Variants in RAPGEF5 observed in about 807,000 individuals in gnomAD.
RAPGEF5 encodes the protein M-Ras-regulated GEF.
Under a neutral mutation model 125.2 loss-of-function variants are expected in RAPGEF5, and 65 were observed. The ratio of observed to expected loss-of-function variants is 0.52; its 90% CI spans 0.43 to 0.64. The LOEUF is 0.64. RAPGEF5 is among the 30% of genes least tolerant of loss of function. The pLI is 0.00. For synonymous variants in RAPGEF5, 391 were observed against 385.9 expected (o/e 1.01, Z -0.16); for missense variants, 958 against 1,048.1 (o/e 0.91, Z 1.19).
chr7:22,140,642 T>G (rs886802866), intron 20 of RAPGEF5, among the ~76,000 whole-genome samples: 19 of 152,340 alleles, frequency 1.2e-4, no homozygotes, highest in African/African-American at 4.6e-4. Flanking sequence ...GGGAATACTC[T>G]TCCACATTTC....
chr7:22,328,509 G>A (rs61093097), intron 1 of RAPGEF5, among the ~76,000 whole-genome samples: 10,621 of 152,208 alleles, frequency 0.07, 477 homozygotes, highest in South Asian at 0.16. Flanking sequence ...GTCAATTTTT[G>A]TATATACAAA....
chr7:22,307,233 A>C (rs186659514), intron 5 of RAPGEF5, among the ~76,000 whole-genome samples: 1 of 152,172 alleles, frequency 6.6e-6, no homozygotes, highest in African/African-American at 2.4e-5. Flanking sequence ...TTCTTTCATC[A>C]GTGTTTACAG....
At chr7:22,244,130 T>A (rs1432766008) in intron 7 of RAPGEF5, among the ~76,000 whole-genome samples, 1 of 152,178 alleles carries the variant, frequency 6.6e-6, no homozygotes, top group Non-Finnish European at 1.5e-5. Flanking sequence ...CATTATTTCC[T>A]TCTTTTTCAA....
chr7:22,280,316 T>G (rs1325950516), intron 6 of RAPGEF5, among the ~76,000 whole-genome samples: 4 of 152,158 alleles, frequency 2.6e-5, no homozygotes, highest in Non-Finnish European at 5.9e-5. Flanking sequence ...AAACCGTGGC[T>G]GAGCCAGAAG....
intron 16 of RAPGEF5, 70 bp from the exon 17 acceptor site, chr7:22,154,674 A>ATGATAC: frequency 3.6e-5 from 55 of 1,531,004 alleles, no homozygotes; most frequent in Admixed American, 1.4e-4. Context: ...TTCCAAATCA[A>ATGATAC]GGCACCTTGA....
chr7:22,131,228 G>T, intron 23 of RAPGEF5, 127 bp from the exon 24 acceptor site: 1 of 1,221,270 alleles, frequency 8.2e-7, no homozygotes. Flanking sequence ...CATGCACTTG[G>T]AGAGGCAATT....
chr7:22,180,117 A>G (rs992442646), intron 11 of RAPGEF5, among the ~76,000 whole-genome samples: 2 of 152,214 alleles, frequency 1.3e-5, no homozygotes, highest in South Asian at 4.1e-4. Flanking sequence ...TGACAATTAT[A>G]CAATGCGTTA....
chr7:22,197,780 C>T (rs904569204), intron 9 of RAPGEF5, among the ~76,000 whole-genome samples: 1 of 151,970 alleles, frequency 6.6e-6, no homozygotes, highest in Non-Finnish European at 1.5e-5. Context: ...ATTTCACAGA[C>T]ACTCAATTAA....
chr7:22,271,145 C>T (rs1295031666), intron 6 of RAPGEF5, among the ~76,000 whole-genome samples: 1 of 152,088 alleles, frequency 6.6e-6, no homozygotes, highest in African/African-American at 2.4e-5. Context: ...CAGCAGTTCT[C>T]AAACTTGACT....
At chr7:22,354,699 A>T (rs748902648) in intron 1 of RAPGEF5, among the ~76,000 whole-genome samples, 6 of 152,160 alleles carry the variant, frequency 3.9e-5, no homozygotes, top group Non-Finnish European at 7.4e-5. Context: ...CCTTATGAGA[A>T]GAGGGAGCCC....
chr7:22,276,039 T>A (rs984629509), intron 6 of RAPGEF5, among the ~76,000 whole-genome samples: 10 of 152,226 alleles, frequency 6.6e-5, no homozygotes, highest in Non-Finnish European at 1.2e-4. Flanking sequence ...GTAATTTCTC[T>A]GAAGCCCTAA....
chr7:22,338,671 T>C (rs74565938), intron 1 of RAPGEF5, among the ~76,000 whole-genome samples: 15,621 of 152,238 alleles, frequency 0.1, 827 homozygotes, highest in South Asian at 0.17. Flanking sequence ...TAACATGCTT[T>C]GACCAATGAA....
intron 7 of RAPGEF5, among the ~76,000 whole-genome samples, chr7:22,256,653 A>G (rs145275296): frequency 2.2e-4 from 34 of 152,324 alleles, no homozygotes; most frequent in African/African-American, 6.7e-4. Flanking sequence ...ATTTACCACT[A>G]TGAGATTTCT....
chr7:22,352,085 A>C (rs897396376), intron 1 of RAPGEF5, among the ~76,000 whole-genome samples: 6 of 152,196 alleles, frequency 3.9e-5, no homozygotes, highest in African/African-American at 1.4e-4. Flanking sequence ...GTCTTTGGTG[A>C]GCAATTTGGC....
intron 5 of RAPGEF5, among the ~76,000 whole-genome samples, chr7:22,301,965 C>T (rs1240740359): frequency 1.3e-5 from 2 of 152,158 alleles, no homozygotes; most frequent in Admixed American, 1.3e-4. Context: ...CCCTGTTAGT[C>T]GCTGAAGGCC....
At chr7:22,286,408 A>G (rs1782798244) in intron 6 of RAPGEF5, among the ~76,000 whole-genome samples, 1 of 152,240 alleles carries the variant, frequency 6.6e-6, no homozygotes, top group Non-Finnish European at 1.5e-5. Flanking sequence ...TATGAACAAA[A>G]GTCACAAATT....
Position 22,182,657 on chromosome 7 carries a change from TGAAACCCCAGTTAGCACTAACTGAACTGG to T in RAPGEF5, c.1204+10681_1204+10709del, listed in dbSNP as rs1220097191. On this transcript the variant is annotated intron_variant, in intron 11 of 25. Coordinates refer to ENST00000665637, the MANE Select transcript of RAPGEF5 (RefSeq NM_012294.5). The stretch of plus-strand genomic sequence containing the variant: ...AACAGAAATTTCCTTTCAAAAGAAA[TGAAACCCCAGTTAGCACTAACTGAACTGG>T]GAAATGATGCTGTAGAAATTATTTT... 2.6e-4 allele frequency among the ~76,000 whole-genome samples: 40 copies of T among 152,134 alleles called. 4 individuals carry two copies. The highest frequency in any genetic ancestry group is 2.4e-3 in the Admixed American group (36 of 15,274).
intron 5 of RAPGEF5, among the ~76,000 whole-genome samples, chr7:22,303,631 G>A (rs554186775): frequency 1.3e-5 from 2 of 152,234 alleles, no homozygotes; most frequent in Admixed American, 6.5e-5. Context: ...GCCTTTAAAC[G>A]TCAAAAAGGT....
intron 6 of RAPGEF5, among the ~76,000 whole-genome samples, chr7:22,280,187 T>C (rs1469457961): frequency 6.6e-6 from 1 of 152,054 alleles, no homozygotes; most frequent in Non-Finnish European, 1.5e-5. Context: ...CACAATGGCC[T>C]CATACAGGAA....
Sources: allele counts gnomAD v4.1 joint callset (sites outside exome capture counted in the v4.1 genomes callset), GRCh38; gene constraint gnomAD v4.1.1; transcripts MANE v1.5; gene names NCBI Gene and HGNC (gene_info 2026-07-23, HGNC 2026-07-21).